The following YBEY variants were observed in gnomAD, a reference collection of about 807,000 sequenced individuals.
The protein encoded by YBEY is endoribonuclease YbeY.
YBEY carries 15 observed loss-of-function variants against 13.5 expected under a neutral mutation model. The ratio of observed to expected loss-of-function variants is 1.11; its 90% CI spans 0.75 to 1.72. The LOEUF (loss-of-function observed/expected upper bound fraction) is 1.72. Ranked by LOEUF, YBEY falls within the 40% of genes most tolerant of loss-of-function variation. The pLI is 0.00. For missense variants in YBEY, 244 were observed against 208.4 expected, an observed-to-expected ratio of 1.17 and a Z score of -1.05; for synonymous variants, 101 against 83.1, an observed-to-expected ratio of 1.21 and a Z score of -1.17.
chr21:46,293,142 A>G (rs113132769), intron 3 of YBEY, among the ~76,000 whole-genome samples: 2 of 64,790 alleles, frequency 3.1e-5, no homozygotes, highest in Non-Finnish European at 4.0e-5. Context: ...CAGTGGAGTC[A>G]GCCACACAAG....
rs539365226 is a variant in YBEY at position 46,288,015 on chromosome 21, G to T, written c.210+892G>T. Among the ~76,000 whole-genome samples, 319 of 147,956 alleles carry T rather than the reference G, an allele frequency of 2.2e-3. 1 individual carries two copies. The highest frequency in any genetic ancestry group is 7.5e-3 in the African/African-American group (301 of 40,176). Reference sequence around the variant, plus strand: ...CAAGAAGAGCGAAACTCTGTCTCAGGAAAAAAAAAAGAAAAGAAAAAGGTG... The same window carrying T: ...CAAGAAGAGCGAAACTCTGTCTCAGTAAAAAAAAAAGAAAAGAAAAAGGTG... On this transcript the variant is annotated intron_variant, in intron 2 of 4. Transcript: ENST00000397701.
At chr21:46,310,504 A>C in the YBEY span, among the ~76,000 whole-genome samples, 1 of 151,594 alleles carries the variant, frequency 6.6e-6, no homozygotes, top group African/African-American at 2.4e-5. Context: ...AAATAAAAAA[A>C]AAAAACAAAA....
chr21:46,303,058 G>C, the YBEY span, among the ~76,000 whole-genome samples: 111 of 152,260 alleles, frequency 7.3e-4, no homozygotes, highest in Non-Finnish European at 1.5e-3. Context: ...CAGCTCCTTG[G>C]GAGGCTGAGG....
At chr21:46,302,774 G>A in the YBEY span, among the ~76,000 whole-genome samples, 1 of 106,872 alleles carries the variant, frequency 9.4e-6, no homozygotes, top group Admixed American at 9.1e-5. Context: ...GCGGGTCCCC[G>A]GGGCGCGCCC....
downstream of YBEY, chr21:46,297,798 C>T (rs1306250035): frequency 8.2e-7 from 1 of 1,221,710 alleles, no homozygotes; most frequent in Non-Finnish European, 1.0e-6. Context: ...CGGTTCCGAG[C>T]CGTGGCATCG....
intron 3 of YBEY, among the ~76,000 whole-genome samples, chr21:46,295,882 C>T (rs193277621): frequency 0.017 from 2,528 of 151,806 alleles, 204 homozygotes; most frequent in Admixed American, 0.14. Flanking sequence ...CCCATTGCTC[C>T]TGCGGCTGGG....
At chr21:46,296,066 C>G (rs576157817) in intron 3 of YBEY, 96 bp from the exon 4 acceptor site, 1 of 1,366,622 alleles carries the variant, frequency 7.3e-7, no homozygotes. Context: ...GGTCCTGCAG[C>G]CACATACCAA....
chr21:46,288,668 A>G (rs2145763794), intron 2 of YBEY, among the ~76,000 whole-genome samples: 1 of 145,634 alleles, frequency 6.9e-6, no homozygotes, highest in Middle Eastern at 3.5e-3. Flanking sequence ...ACAGAGCGAG[A>G]CTCCGTCTCA....
chr21:46,307,292 A>C, the YBEY span, among the ~76,000 whole-genome samples: 1 of 152,168 alleles, frequency 6.6e-6, no homozygotes, highest in African/African-American at 2.4e-5. Context: ...GATGACAGGC[A>C]TGAGCCACTG....
Position 46,296,406 on chromosome 21 carries a change from C to T in YBEY, c.408+176C>T, listed in dbSNP as rs112580845. Among the ~76,000 whole-genome samples the T allele has an allele frequency of 2.8e-4, 42 of 152,042 alleles. 1 individual carries two copies. Among genetic ancestry groups the T allele is most frequent in the African/African-American group, 9.2e-4 (38 of 41,482 alleles). On this transcript the variant is annotated intron_variant, in intron 4 of 4. Transcript: ENST00000397701. ...TCAACACCGGGCTCCCCAAATACTT[C>T]CAGCTGAATGTGTTCACTAAGGAAA...
chr21:46,311,428 CACA>C, the YBEY span: 4 of 1,382,138 alleles, frequency 2.9e-6, no homozygotes, highest in African/African-American at 1.4e-5. Context: ...TTCCTCAACC[CACA>C]ACAATATGAA....
chr21:46,298,999 G>T (rs1029496424), downstream of YBEY, among the ~76,000 whole-genome samples: 8 of 151,072 alleles, frequency 5.3e-5, no homozygotes, highest in Non-Finnish European at 1.0e-4. Flanking sequence ...TGGGATCACA[G>T]GTGTGAGCCA....
chr21:46,287,124 G>GGAAAAAA lies in YBEY; in HGVS notation c.210+1_210+2insGAAAAAA, dbSNP rs1555917355. ...TGTGCTTTCTTTTCCATTTCATGAG[G>GGAAAAAA]TAAAAAAAAAATGTTCCTCTTCTTG... On this transcript the variant is annotated splice_donor_variant, in intron 2 of 4. Coordinates refer to ENST00000397701, the MANE Select transcript of YBEY (RefSeq NM_001314025.2). LOFTEE classifies it high-confidence loss of function. The GGAAAAAA allele has an allele frequency of 8.2e-7, 1 of 1,216,168 alleles. No individual in the cohort carries two copies. Among genetic ancestry groups the GGAAAAAA allele is most frequent in the Admixed American group, 2.9e-5 (1 of 34,030 alleles). The allele number at this position is 1,216,168 out of a possible 1,614,324, so 75.3% of individuals were successfully genotyped here. A position where few individuals can be genotyped will look rare whatever the true frequency, so the allele number is the denominator to read the frequency against.
At chr21:46,298,592 G>T (rs538852869), downstream of YBEY, among the ~76,000 whole-genome samples, 2 of 151,860 alleles carry the variant, frequency 1.3e-5, no homozygotes, top group Non-Finnish European at 2.9e-5. Context: ...ACCTCGCCCG[G>T]CTAATTTTTT....
chr21:46,295,073 T>A (rs1000984634), intron 3 of YBEY, among the ~76,000 whole-genome samples: 2 of 152,172 alleles, frequency 1.3e-5, no homozygotes, highest in African/African-American at 4.8e-5. Context: ...CTGGGATCTC[T>A]GTGGCCAGCA....
the YBEY span, among the ~76,000 whole-genome samples, chr21:46,310,791 C>A: frequency 2.0e-5 from 3 of 151,366 alleles, no homozygotes; most frequent in Non-Finnish European, 4.4e-5. Flanking sequence ...GCCTGGGCAA[C>A]AAAGTAAGAC....
chr21:46,298,869 T>G (rs1460719368), downstream of YBEY, among the ~76,000 whole-genome samples: 1 of 152,012 alleles, frequency 6.6e-6, no homozygotes, highest in African/African-American at 2.4e-5. Flanking sequence ...GGACTACAAG[T>G]GCGCACCACT....
chr21:46,291,216 A>AACAG, intron 2 of YBEY, 118 bp from the exon 3 acceptor site: 1 of 836,538 alleles, frequency 1.2e-6, no homozygotes, highest in East Asian at 3.8e-5. Context: ...AAAAAAAAAA[A>AACAG]GTGATTTGGC....
At chr21:46,302,615 C>T (rs896924630), downstream of YBEY, 4 of 1,515,702 alleles carry the variant, frequency 2.6e-6, no homozygotes, top group Admixed American at 1.8e-5. Flanking sequence ...ATAAAGTTTC[C>T]GTTTTTCCTA....
Sources: gnomAD v4.1 joint callset for allele counts (sites outside exome capture counted in the v4.1 genomes callset) on GRCh38, gnomAD v4.1.1 for gene constraint, MANE v1.5 for transcripts, NCBI Gene and HGNC (gene_info 2026-07-23, HGNC 2026-07-21) for gene names.